The following SLC4A10 variants were observed in gnomAD, a reference collection of about 807,000 sequenced individuals.
SLC4A10 encodes sodium-driven chloride bicarbonate exchanger.
In SLC4A10, 42 loss-of-function variants were observed where a neutral mutation model predicts 137.7. That is an observed-to-expected ratio of 0.30 (90% CI 0.24 to 0.39). The LOEUF (loss-of-function observed/expected upper bound fraction) is 0.39, where lower values mean the gene tolerates loss of function less well. Ranked by LOEUF, SLC4A10 falls within the 10% of genes least tolerant of loss-of-function variation. The probability of loss-of-function intolerance (pLI) is 1.00; values close to 1 mark genes in which losing one functional copy is unlikely to be tolerated. For synonymous variants in SLC4A10, 474 were observed against 464.1 expected (o/e 1.02, Z -0.27); for missense variants, 925 against 1,355.0 (o/e 0.68, Z 4.98).
In SLC4A10 at chr2:161,862,882, C is replaced by T; in HGVS notation, c.586C>T (p.Leu196Phe). ...CGGCCTTTTCTCTTCAGATATGGTT[C>T]TTGACCAACAAGTGAGCTCAGGTCA... is the stretch of plus-strand genomic sequence containing the variant. The part of the protein sequence containing the change: ...NTLEEIADMV[L>F]DQQVSSGQLN... Residue 196 changes from leucine to phenylalanine, a missense_variant, in exon 6 of 27, where the codon CTT (leucine) becomes TTT (phenylalanine). This residue lies in a region of SLC4A10 where 277 missense variants were observed against 306.1 expected (regional missense o/e 0.90). Coordinates refer to ENST00000446997, the MANE Select transcript of SLC4A10 (RefSeq NM_001178015.2). The T allele has an allele frequency of 2.5e-6, 4 of 1,599,214 alleles. No homozygotes were observed. Among genetic ancestry groups the T allele is most frequent in the Non-Finnish European group, 3.4e-6 (4 of 1,171,872 alleles).
chr2:161,744,659 T>C (rs2048229575), intron 1 of SLC4A10, among the ~76,000 whole-genome samples: 1 of 152,150 alleles, frequency 6.6e-6, no homozygotes, highest in African/African-American at 2.4e-5. Flanking sequence ...TTTCAATGGA[T>C]GACAACTTAA....
chr2:161,978,895 T>C (rs977677717), intron 26 of SLC4A10, among the ~76,000 whole-genome samples: 3 of 152,194 alleles, frequency 2.0e-5, no homozygotes, highest in African/African-American at 7.2e-5. Flanking sequence ...AAAACATGCT[T>C]TAACTTCCTT....
At chr2:161,779,680 A>G (rs903632908) in intron 2 of SLC4A10, among the ~76,000 whole-genome samples, 1 of 152,034 alleles carries the variant, frequency 6.6e-6, no homozygotes, top group Non-Finnish European at 1.5e-5. Context: ...CTGGTCCTCT[A>G]CTTTCTAATA....
intron 1 of SLC4A10, among the ~76,000 whole-genome samples, chr2:161,722,631 G>C (rs549719099): frequency 6.6e-6 from 1 of 152,202 alleles, no homozygotes; most frequent in South Asian, 2.1e-4. Flanking sequence ...CCTTTTGGGG[G>C]GTCTCCCCAA....
chr2:161,817,474 C>G (rs1454714478), intron 3 of SLC4A10, among the ~76,000 whole-genome samples: 3 of 152,208 alleles, frequency 2.0e-5, no homozygotes, highest in African/African-American at 7.2e-5. Context: ...TGCAGAAGCT[C>G]TTTAGTTTAA....
intron 21 of SLC4A10, among the ~76,000 whole-genome samples, chr2:161,961,921 T>C (rs1454477853): frequency 6.6e-6 from 1 of 152,126 alleles, no homozygotes; most frequent in Non-Finnish European, 1.5e-5. Context: ...AGAAACAGTG[T>C]TCGTGAAAAT....
chr2:161,824,765 G>A (rs1028002360), intron 3 of SLC4A10, among the ~76,000 whole-genome samples: 4 of 152,250 alleles, frequency 2.6e-5, no homozygotes, highest in African/African-American at 7.2e-5. Context: ...AAAATAAATG[G>A]TGGAAGAAGG....
intron 15 of SLC4A10, among the ~76,000 whole-genome samples, chr2:161,929,553 G>C (rs902461498): frequency 4.6e-5 from 7 of 152,112 alleles, no homozygotes; most frequent in African/African-American, 1.2e-4. Flanking sequence ...CCAATGAGTT[G>C]AGCATCATCT....
intron 9 of SLC4A10, among the ~76,000 whole-genome samples, chr2:161,881,374 A>G (rs1468727931): frequency 2.0e-5 from 3 of 152,066 alleles, no homozygotes; most frequent in South Asian, 4.1e-4. Flanking sequence ...ACATTTCTAC[A>G]TAGTAGAAAT....
chr2:161,824,478 A>T (rs2057878148), intron 3 of SLC4A10, among the ~76,000 whole-genome samples: 1 of 152,192 alleles, frequency 6.6e-6, no homozygotes, highest in African/African-American at 2.4e-5. Flanking sequence ...ACAGATTGTG[A>T]ATATGGCGAA....
intron 19 of SLC4A10, among the ~76,000 whole-genome samples, chr2:161,955,628 G>T (rs1191015013): frequency 6.6e-6 from 1 of 152,078 alleles, no homozygotes; most frequent in Non-Finnish European, 1.5e-5. Context: ...GAGCAGAAAG[G>T]AAAGAAAGTA....
intron 1 of SLC4A10, among the ~76,000 whole-genome samples, chr2:161,751,184 T>A (rs1370038226): frequency 6.6e-6 from 1 of 151,806 alleles, no homozygotes; most frequent in Non-Finnish European, 1.5e-5. Flanking sequence ...TATTTGTTTG[T>A]TCGTTTTCAT....
rs947673122 is a variant in SLC4A10, at chr2:161,958,478, C to T, written c.2794-9C>T. ...GATTTCTGCCTTTTCTCCAATTGTT[C>T]TTTTACAGTTTATTCCCATGCCAGT... On this transcript the variant is annotated splice_polypyrimidine_tract_variant and intron_variant, in intron 20 of 26. Transcript: ENST00000446997. The T allele has an allele frequency of 6.2e-7, 1 of 1,604,894 alleles. No individual in the cohort carries two copies. The highest frequency in any genetic ancestry group is 1.3e-5 in the African/African-American group (1 of 74,566).
chr2:161,965,232 T>G, intron 23 of SLC4A10, 59 bp downstream of exon 23: 1 of 1,508,242 alleles, frequency 6.6e-7, no homozygotes, highest in Admixed American at 2.1e-5. Flanking sequence ...AATATTTCTT[T>G]GCAAAACTAA....
chr2:161,710,180 T>C (rs773474782), intron 1 of SLC4A10, among the ~76,000 whole-genome samples: 8 of 151,740 alleles, frequency 5.3e-5, no homozygotes, highest in African/African-American at 1.2e-4. Flanking sequence ...GTAGGGAAGA[T>C]TGGCATATTC....
intron 1 of SLC4A10, chr2:161,708,871 G>A (rs1259841118): frequency 2.0e-6 from 3 of 1,502,410 alleles, no homozygotes; most frequent in Non-Finnish European, 2.6e-6. Context: ...AGAATGTAGG[G>A]TGCTTGCTTT....
At chr2:161,721,105 A>G (rs1229893217) in intron 1 of SLC4A10, among the ~76,000 whole-genome samples, 3 of 152,178 alleles carry the variant, frequency 2.0e-5, no homozygotes, top group Non-Finnish European at 4.4e-5. Context: ...CTTGGATTAC[A>G]GGCATGAGCC....
intron 6 of SLC4A10, among the ~76,000 whole-genome samples, chr2:161,865,277 G>A (rs1297342617): frequency 2.6e-5 from 4 of 151,946 alleles, no homozygotes; most frequent in Admixed American, 2.0e-4. Flanking sequence ...AACATTAGAA[G>A]AGATGTTAGA....
chr2:161,710,250 C>T (rs1393629021), intron 1 of SLC4A10, among the ~76,000 whole-genome samples: 1 of 151,634 alleles, frequency 6.6e-6, no homozygotes, highest in Non-Finnish European at 1.5e-5. Flanking sequence ...CAAAATATGT[C>T]TAATCTGTTA....
Sources: gnomAD v4.1 joint callset for allele counts (sites outside exome capture counted in the v4.1 genomes callset) on GRCh38, gnomAD v4.1.1 for gene constraint, gnomAD v4.1.1 regional missense constraint, MANE v1.5 for transcripts, NCBI Gene and HGNC (gene_info 2026-07-23, HGNC 2026-07-21) for gene names.